The following AGAP1 variants were observed in gnomAD, a reference collection of about 807,000 sequenced individuals.
AGAP1 encodes the protein ArfGAP with GTPase domain, ankyrin repeat and PH domain 1, also known as arf-GAP with GTPase, ANK repeat and PH domain-containing protein 1.
A neutral mutation model predicts 105.3 loss-of-function variants in AGAP1; 29 were observed. The ratio of observed to expected loss-of-function variants is 0.28; its 90% confidence interval spans 0.21 to 0.38. The LOEUF (loss-of-function observed/expected upper bound fraction) is 0.38. Ranked by LOEUF, AGAP1 falls within the 10% of genes least tolerant of loss-of-function variation. The pLI is 1.00. For synonymous variants in AGAP1, 509 were observed against 485.9 expected, an observed-to-expected ratio of 1.05 and a Z score of -0.63; for missense variants, 998 against 1,165.1, an observed-to-expected ratio of 0.86 and a Z score of 2.09.
Position 235,724,973 on chromosome 2 carries a change from G to GC in AGAP1, c.310+7331dup, listed in dbSNP as rs567782117. Among the ~76,000 whole-genome samples, 339 of 152,346 alleles carry GC rather than the reference G, an allele frequency of 2.2e-3. No homozygotes were observed. The highest frequency in any genetic ancestry group is 7.8e-3 in the African/African-American group (324 of 41,592). On this transcript the variant is annotated intron_variant, in intron 3 of 17. Coordinates refer to ENST00000304032, the MANE Select transcript of AGAP1 (RefSeq NM_001037131.3). The surrounding 1 kb of genome is among the most constrained non-coding windows in gnomAD (Gnocchi z 4.9). ...TTGGAGGTTCTGTAGGAAGGAATGA[G>GC]CCGCTTCACCTCCTGGAGAAAGGAC...
intron 13 of AGAP1, among the ~76,000 whole-genome samples, chr2:235,978,944 C>T (rs563135180): frequency 5.3e-5 from 8 of 152,264 alleles, no homozygotes; most frequent in Non-Finnish European, 8.8e-5. Flanking sequence ...GCTTCAGCTG[C>T]TTTGCAGACA....
intron 1 of AGAP1, among the ~76,000 whole-genome samples, chr2:235,618,616 T>C (rs1018606952): frequency 6.6e-6 from 1 of 152,202 alleles, no homozygotes; most frequent in Non-Finnish European, 1.5e-5. Context: ...TTTTTAAGCT[T>C]ATATTTAAAT....
At chr2:235,591,474 C>T (rs1166337325) in intron 1 of AGAP1, among the ~76,000 whole-genome samples, 1 of 152,150 alleles carries the variant, frequency 6.6e-6, no homozygotes, top group East Asian at 1.9e-4. Flanking sequence ...GAGGCTTAAT[C>T]CCTCCTTCTC....
chr2:235,956,477 A>G (rs920361146), intron 12 of AGAP1, among the ~76,000 whole-genome samples: 1 of 152,150 alleles, frequency 6.6e-6, no homozygotes, highest in South Asian at 2.1e-4. Context: ...TTCAAACTGG[A>G]TGATGCCATT....
chr2:235,670,936 G>A, intron 1 of AGAP1: 5 of 1,320,788 alleles, frequency 3.8e-6, no homozygotes, highest in Non-Finnish European at 4.8e-6. Context: ...ACGGGGGCCC[G>A]GGCGGCGGGC....
rs1038109436 is a variant in AGAP1, at chr2:235,964,556, G to T, written c.1484-3906G>T. ...TTTGAGCATTGAATAACACAGAGAA[G>T]GGTTGCTTTAGAATCAGGTAATGAT... On this transcript the variant is annotated intron_variant, in intron 12 of 17. Coordinates refer to ENST00000304032, the MANE Select transcript of AGAP1 (RefSeq NM_001037131.3). This position sits in a 1 kb window ranked among gnomAD's most constrained non-coding sequence, Gnocchi z 4.6. Among the ~76,000 whole-genome samples the T allele has an allele frequency of 5.3e-5, 8 of 152,152 alleles. No individual in the cohort carries two copies. The highest frequency in any genetic ancestry group is 1.9e-4 in the African/African-American group (8 of 41,444).
intron 9 of AGAP1, among the ~76,000 whole-genome samples, chr2:235,860,567 A>G (rs139856377): frequency 2.0e-5 from 3 of 152,338 alleles, no homozygotes; most frequent in African/African-American, 7.2e-5. Flanking sequence ...CATTTGTGGA[A>G]TTTCTCAAAA....
intron 15 of AGAP1, among the ~76,000 whole-genome samples, chr2:236,041,476 CCA>C (rs543079078): frequency 3.0e-4 from 46 of 152,020 alleles, no homozygotes; most frequent in African/African-American, 1.1e-3. Context: ...ATCGAGTACC[CCA>C]GTTTTATTTC....
chr2:235,656,602 T>C (rs1262832242), intron 1 of AGAP1, among the ~76,000 whole-genome samples: 1 of 151,992 alleles, frequency 6.6e-6, no homozygotes, highest in Non-Finnish European at 1.5e-5. Flanking sequence ...AATTAGCCAA[T>C]TGGAATTAGT....
intron 9 of AGAP1, among the ~76,000 whole-genome samples, chr2:235,856,230 T>C (rs1179875235): frequency 6.6e-6 from 1 of 152,206 alleles, no homozygotes; most frequent in East Asian, 1.9e-4. Flanking sequence ...TTTTAAATGT[T>C]CATCTCAAGT....
At chr2:236,034,029 A>G (rs1432241762) in intron 13 of AGAP1, among the ~76,000 whole-genome samples, 2 of 152,206 alleles carry the variant, frequency 1.3e-5, no homozygotes, top group African/African-American at 4.8e-5. Flanking sequence ...TGAATTACCA[A>G]GTTTTCCTTA....
Position 236,003,577 on chromosome 2 carries a change from G to GC in AGAP1, c.1646-32984_1646-32983insC, listed in dbSNP as rs2056211390. 2.0e-5 allele frequency among the ~76,000 whole-genome samples: 3 copies of GC among 152,152 alleles called. No homozygotes were observed. The highest frequency in any genetic ancestry group is 6.5e-5 in the Admixed American group (1 of 15,268). On this transcript the variant is annotated intron_variant, in intron 13 of 17. Coordinates refer to ENST00000304032, the MANE Select transcript of AGAP1 (RefSeq NM_001037131.3). This position sits in a 1 kb window ranked among gnomAD's most constrained non-coding sequence, Gnocchi z 4.2. ...CCCCTGCGCTGCTGCTGCCCGCATG[G>GC]GGTACCCTTAAGTCCCACATCCAAG...
chr2:235,771,388 C>T (rs1002124529), intron 6 of AGAP1, among the ~76,000 whole-genome samples: 14 of 152,180 alleles, frequency 9.2e-5, no homozygotes, highest in African/African-American at 1.4e-4. Flanking sequence ...TCCCACCACA[C>T]GTGGGCACAG....
At chr2:235,687,296 A>G (rs906405995) in intron 1 of AGAP1, among the ~76,000 whole-genome samples, 1 of 152,206 alleles carries the variant, frequency 6.6e-6, no homozygotes, top group Non-Finnish European at 1.5e-5. Flanking sequence ...TCTAAAGTAG[A>G]TATTGATCCT....
chr2:235,620,469 G>A lies in AGAP1; in HGVS notation c.164-88710G>A, dbSNP rs1031817605. Among the ~76,000 whole-genome samples the A allele has an allele frequency of 3.3e-5, 5 of 152,062 alleles. No individual in the cohort carries two copies. The highest frequency in any genetic ancestry group is 3.3e-4 in the Admixed American group (5 of 15,274). Reference sequence around the variant, plus strand: ...CTGCTGATCCTTCAACCAAATGCATGCTCCTGACCCTTACATGTCTGCACT... The same window carrying A: ...CTGCTGATCCTTCAACCAAATGCATACTCCTGACCCTTACATGTCTGCACT... On this transcript the variant is annotated intron_variant, in intron 1 of 17. Coordinates refer to ENST00000304032, the MANE Select transcript of AGAP1 (RefSeq NM_001037131.3). The surrounding 1 kb of genome is among the most constrained non-coding windows in gnomAD (Gnocchi z 4.5).
intron 1 of AGAP1, among the ~76,000 whole-genome samples, chr2:235,503,581 G>A (rs1941659742): frequency 6.6e-6 from 1 of 151,502 alleles, no homozygotes; most frequent in Admixed American, 6.6e-5. Flanking sequence ...TTTATTTCTT[G>A]GAACTTGTTA....
Position 236,061,840 on chromosome 2 carries a change from T to C in AGAP1, c.2114+12559T>C, listed in dbSNP as rs150355251. Among the ~76,000 whole-genome samples the C allele has an allele frequency of 1.9e-3, 294 of 151,960 alleles. 2 individuals carry two copies. The highest frequency in any genetic ancestry group is 6.6e-3 in the African/African-American group (275 of 41,410). ...CTAAAAACCACTGAGTTGTACACTT[T>C]TAAAGTGTGAATTTTATGGTATATA... On this transcript the variant is annotated intron_variant, in intron 16 of 17. Coordinates refer to ENST00000304032, the MANE Select transcript of AGAP1 (RefSeq NM_001037131.3). The surrounding 1 kb of genome is among the most constrained non-coding windows in gnomAD (Gnocchi z 4.1).
Position 235,801,300 on chromosome 2 carries a change from G to A in AGAP1, c.957+1778G>A, listed in dbSNP as rs1157415615. ...ATAGTACTTCTGCAGTGGGGCTTCCGGGAAGACTTCCTGGAGGAGGCAGAA... is the reference window on the plus strand; with the variant it reads ...ATAGTACTTCTGCAGTGGGGCTTCCAGGAAGACTTCCTGGAGGAGGCAGAA... On this transcript the variant is annotated intron_variant, in intron 8 of 17. Transcript: ENST00000304032. The surrounding 1 kb of genome is among the most constrained non-coding windows in gnomAD (Gnocchi z 6.0). 3.9e-5 allele frequency among the ~76,000 whole-genome samples: 6 copies of A among 152,128 alleles called. No homozygotes were observed. Among genetic ancestry groups the A allele is most frequent in the Non-Finnish European group, 7.4e-5 (5 of 68,010 alleles).
intron 1 of AGAP1, among the ~76,000 whole-genome samples, chr2:235,505,385 G>A (rs1941753837): frequency 6.6e-6 from 1 of 152,220 alleles, no homozygotes; most frequent in Non-Finnish European, 1.5e-5. Flanking sequence ...TTGAGTGAGG[G>A]CAGTGTGTGC....
Sources: allele counts gnomAD v4.1 joint callset (sites outside exome capture counted in the v4.1 genomes callset), GRCh38; gene constraint gnomAD v4.1.1; non-coding constraint Gnocchi (gnomAD v3.1); transcripts MANE v1.5; gene names NCBI Gene and HGNC (gene_info 2026-07-23, HGNC 2026-07-21).